The following ARID3B variants were observed in gnomAD, a reference collection of about 807,000 sequenced individuals.
The protein encoded by ARID3B is AT-rich interaction domain 3B.
ARID3B carries 10 observed loss-of-function variants against 51.9 expected under a neutral mutation model. The ratio of observed to expected loss-of-function variants is 0.19; its 90% CI spans 0.12 to 0.33. The LOEUF (loss-of-function observed/expected upper bound fraction) is 0.33. Among genes scored for constraint, ARID3B ranks in the 10% least tolerant of loss-of-function variants. ARID3B has a pLI of 1.00. For synonymous variants in ARID3B, 205 were observed against 279.5 expected, an observed-to-expected ratio of 0.73 and a Z score of 2.66; for missense variants, 483 against 716.3, an observed-to-expected ratio of 0.67 and a Z score of 3.72.
chr15:74,563,286 G>C (rs974282705), intron 2 of ARID3B, among the ~76,000 whole-genome samples: 1 of 152,184 alleles, frequency 6.6e-6, no homozygotes, highest in Non-Finnish European at 1.5e-5. Context: ...TGGACCTGGA[G>C]GAAGCCTTAG....
chr15:74,542,538 G>GA (rs1205361031), intron 1 of ARID3B, among the ~76,000 whole-genome samples: 2 of 152,110 alleles, frequency 1.3e-5, no homozygotes, highest in African/African-American at 4.8e-5. Context: ...CTCTAACCTG[G>GA]AAAAAATCTT....
chr15:74,568,679 C>G (rs917526409), intron 2 of ARID3B, among the ~76,000 whole-genome samples: 17 of 152,088 alleles, frequency 1.1e-4, no homozygotes, highest in African/African-American at 4.1e-4. Context: ...CAAAGCTAGT[C>G]TTGGGTGTGT....
intron 4 of ARID3B, chr15:74,573,717 G>GTT (rs1218992499): frequency 6.2e-6 from 1 of 162,218 alleles, no homozygotes; most frequent in African/African-American, 2.4e-5. Context: ...CATTCCTGCA[G>GTT]TTTAATAGTC....
chr15:74,553,189 T>A (rs565503364), intron 2 of ARID3B, among the ~76,000 whole-genome samples: 1 of 152,224 alleles, frequency 6.6e-6, no homozygotes, highest in Non-Finnish European at 1.5e-5. Flanking sequence ...GAAAGCAATG[T>A]CATGTACACT....
intron 8 of ARID3B, among the ~76,000 whole-genome samples, chr15:74,595,173 G>A (rs1437667457): frequency 1.3e-5 from 2 of 152,120 alleles, no homozygotes; most frequent in Admixed American, 1.3e-4. Context: ...AGCCCCCTGA[G>A]TAGCTGGGAC....
chr15:74,590,977 G>T (rs2061800518), intron 5 of ARID3B, among the ~76,000 whole-genome samples, 174 bp from the exon 6 acceptor site: 2 of 152,178 alleles, frequency 1.3e-5, no homozygotes, highest in South Asian at 4.1e-4. Flanking sequence ...GTCAGAGGAG[G>T]CTGGGGCAGA....
In ARID3B at chr15:74,591,505, G is replaced by A; in HGVS notation, c.1166-55G>A. ...GCCAGTTCCCTGTGTTCAAGACTGG[G>A]GTTTTGGGGCAAGAGGGTCAATTGT... On this transcript the variant is annotated intron_variant, in intron 6 of 8. Coordinates refer to ENST00000346246, the MANE Select transcript of ARID3B (RefSeq NM_006465.4). The surrounding 1 kb of genome is among the most constrained non-coding windows in gnomAD (Gnocchi z 5.8). 1.3e-6 allele frequency: 2 copies of A among 1,594,590 alleles called. No homozygotes were observed. Among genetic ancestry groups the A allele is most frequent in the Admixed American group, 1.7e-5 (1 of 59,254 alleles).
In ARID3B at chr15:74,544,094, T is replaced by G; in HGVS notation, c.158T>G (p.Leu53Arg). The G allele has an allele frequency of 6.2e-7, 1 of 1,613,984 alleles. No individual in the cohort carries two copies. Among genetic ancestry groups the G allele is most frequent in the South Asian group, 1.1e-5 (1 of 91,072 alleles). The change falls in exon 2 of 9, where the codon CTT (leucine) becomes CGT (arginine). Residue 53 changes from leucine to arginine, a missense_variant. Transcript: ENST00000346246. ...AQKLVTQPTL[L>R]SATAGRPSGS... ...AAGCTGGTCACACAGCCGACTCTCC[T>G]TTCCGCCACAGCTGGGAGACCTTCT... is the stretch of plus-strand genomic sequence containing the variant.
intron 2 of ARID3B, among the ~76,000 whole-genome samples, chr15:74,557,173 C>T (rs911854240): frequency 2.0e-5 from 3 of 151,768 alleles, no homozygotes; most frequent in Middle Eastern, 3.4e-3. Context: ...CCAGCACTTT[C>T]GGAGGCCAAC....
Position 74,596,774 on chromosome 15 carries a change from A to C in ARID3B, c.*1000A>C, listed in dbSNP as rs1192751128. On this transcript the variant is annotated 3_prime_UTR_variant, in exon 9 of 9. Coordinates refer to ENST00000346246, the MANE Select transcript of ARID3B (RefSeq NM_006465.4). Reference sequence around the variant, plus strand: ...TATTTGCATCTCTGAAATCTTTTTTATATGTGTTTTGCTGACTTTTGTTTT... The same window carrying C: ...TATTTGCATCTCTGAAATCTTTTTTCTATGTGTTTTGCTGACTTTTGTTTT... The C allele has an allele frequency of 8.6e-6, 2 of 232,572 alleles. No homozygotes were observed. 14.4% of individuals were successfully genotyped at this position (232,572 alleles called of 1,614,324 possible).
intron 2 of ARID3B, among the ~76,000 whole-genome samples, chr15:74,546,598 C>T (rs559124170): frequency 2.0e-5 from 3 of 152,344 alleles, no homozygotes; most frequent in Admixed American, 1.3e-4. Flanking sequence ...TGGTGGCAGC[C>T]CTATGACTAC....
intron 2 of ARID3B, among the ~76,000 whole-genome samples, chr15:74,547,991 ACT>A (rs2061622216): frequency 6.6e-6 from 1 of 152,126 alleles, no homozygotes; most frequent in African/African-American, 2.4e-5. Flanking sequence ...CTTTGAAGAA[ACT>A]CTTAGAAAAT....
At chr15:74,554,410 C>T (rs1459659617) in intron 2 of ARID3B, among the ~76,000 whole-genome samples, 1 of 152,170 alleles carries the variant, frequency 6.6e-6, no homozygotes, top group Non-Finnish European at 1.5e-5. Context: ...TCAAGCAGCC[C>T]TCCCGCCTCA....
intron 7 of ARID3B, among the ~76,000 whole-genome samples, chr15:74,592,335 A>G (rs971422861): frequency 1.3e-5 from 2 of 152,206 alleles, no homozygotes; most frequent in African/African-American, 4.8e-5. Context: ...GGTGCCCCAC[A>G]TTCTCTTCCT....
chr15:74,564,163 A>G (rs1053524606), intron 2 of ARID3B, among the ~76,000 whole-genome samples: 1 of 152,174 alleles, frequency 6.6e-6, no homozygotes, highest in African/African-American at 2.4e-5. Flanking sequence ...ACTAATCCTG[A>G]TCTTATCAAG....
intron 4 of ARID3B, among the ~76,000 whole-genome samples, chr15:74,589,067 G>A (rs538247308): frequency 3.5e-5 from 4 of 115,422 alleles, no homozygotes; most frequent in African/African-American, 6.8e-5. Context: ...TCTCACTGTC[G>A]CCCAGGCTGG....
At chr15:74,595,427 C>T (rs2061820791) in intron 8 of ARID3B, among the ~76,000 whole-genome samples, 184 bp from the exon 9 acceptor site, 1 of 152,150 alleles carries the variant, frequency 6.6e-6, no homozygotes, top group Non-Finnish European at 1.5e-5. Flanking sequence ...CTATCTGTCC[C>T]CCTCCCCAGC....
intron 2 of ARID3B, among the ~76,000 whole-genome samples, chr15:74,558,369 G>A (rs2061667283): frequency 6.6e-6 from 1 of 151,588 alleles, no homozygotes; most frequent in Non-Finnish European, 1.5e-5. Flanking sequence ...AGCTCTATCT[G>A]TTCTACTTTA....
chr15:74,579,864 T>TGC (rs780874835), intron 4 of ARID3B, among the ~76,000 whole-genome samples: 1 of 136,200 alleles, frequency 7.3e-6, no homozygotes, highest in Non-Finnish European at 1.6e-5. Flanking sequence ...TGTGTGTGTG[T>TGC]GTGTGTGTGC....
Sources: allele counts gnomAD v4.1 joint callset (sites outside exome capture counted in the v4.1 genomes callset), GRCh38; gene constraint gnomAD v4.1.1; non-coding constraint Gnocchi (gnomAD v3.1); transcripts MANE v1.5; gene names NCBI Gene and HGNC (gene_info 2026-07-23, HGNC 2026-07-21).